The following LCLAT1 variants were observed in gnomAD, a reference collection of about 807,000 sequenced individuals.
LCLAT1 encodes the protein lysocardiolipin acyltransferase 1.
A neutral mutation model predicts 30.7 loss-of-function variants in LCLAT1; 11 were observed. The ratio of observed to expected loss-of-function variants is 0.36; its 90% confidence interval spans 0.23 to 0.59. LCLAT1 has a LOEUF of 0.59. LCLAT1 is among the 20% of genes least tolerant of loss of function. The pLI is 0.77. For missense variants in LCLAT1, 402 were observed against 458.6 expected, an observed-to-expected ratio of 0.88 and a Z score of 1.13; for synonymous variants, 155 against 151.3, an observed-to-expected ratio of 1.02 and a Z score of -0.18.
At chr2:30,585,268 T>TA (rs145941499) in intron 5 of LCLAT1, among the ~76,000 whole-genome samples, 4,027 of 150,532 alleles carry the variant, frequency 0.027, 184 homozygotes, top group African/African-American at 0.09. Flanking sequence ...CCATCCTCGG[T>TA]AAAAAAAAAT....
At chr2:30,516,597 T>G (rs1399780801) in intron 1 of LCLAT1, among the ~76,000 whole-genome samples, 1 of 152,124 alleles carries the variant, frequency 6.6e-6, no homozygotes, top group African/African-American at 2.4e-5. Flanking sequence ...TTCCATTCCT[T>G]GGAATCCTTG....
intron 1 of LCLAT1, 77 bp from the exon 2 acceptor site, chr2:30,525,510 A>G (rs1273284668): frequency 6.3e-6 from 7 of 1,118,408 alleles, no homozygotes; most frequent in East Asian, 2.3e-5. Context: ...TGATCATTCT[A>G]TGCTCCATCA....
intron 1 of LCLAT1, among the ~76,000 whole-genome samples, chr2:30,457,745 TC>T (rs1681905325): frequency 6.6e-6 from 1 of 152,230 alleles, no homozygotes; most frequent in African/African-American, 2.4e-5. Flanking sequence ...TTTGTTTGTT[TC>T]TTTCAGTTAT....
At chr2:30,492,603 G>T (rs537848038) in intron 1 of LCLAT1, among the ~76,000 whole-genome samples, 13 of 151,972 alleles carry the variant, frequency 8.6e-5, no homozygotes, top group Admixed American at 7.9e-4. Context: ...AAAACCTTTG[G>T]GTATATGATA....
chr2:30,507,390 A>G (rs1170377411), intron 1 of LCLAT1, among the ~76,000 whole-genome samples: 1 of 152,154 alleles, frequency 6.6e-6, no homozygotes, highest in Non-Finnish European at 1.5e-5. Context: ...AACTTGTGTC[A>G]TGGGGGTTTG....
chr2:30,596,019 A>G (rs924183561), intron 5 of LCLAT1, among the ~76,000 whole-genome samples: 1 of 152,096 alleles, frequency 6.6e-6, no homozygotes, highest in Non-Finnish European at 1.5e-5. Flanking sequence ...TATGTACCAC[A>G]TTTTCTTTAG....
At position 30,461,770 on chromosome 2, in the gene LCLAT1, C is replaced by CCTTTTTTTTTTTTTTTTTTT. The variant is rs760622200; in HGVS notation, c.-5+14387_-5+14388insCTTTTTTTTTTTTTTTTTTT. On this transcript the variant is annotated intron_variant, in intron 1 of 5. Transcript: ENST00000379509. ...TGTGGACCACTTTTTCTAAATTAAA[C>CCTTTTTTTTTTTTTTTTTTT]TTTTTTTTTTTTTTTTTTGAGACGG... Among the ~76,000 whole-genome samples the CCTTTTTTTTTTTTTTTTTTT allele has an allele frequency of 2.3e-3, 298 of 131,708 alleles. 15 individuals carry two copies. The highest frequency in any genetic ancestry group is 5.3e-3 in the East Asian group (23 of 4,334). 86.4% of individuals were successfully genotyped at this position (131,708 alleles called of 152,430 possible).
At chr2:30,554,721 C>T (rs1303725995) in intron 3 of LCLAT1, among the ~76,000 whole-genome samples, 4 of 152,062 alleles carry the variant, frequency 2.6e-5, no homozygotes, top group Non-Finnish European at 5.9e-5. Flanking sequence ...ATGAAAAAGA[C>T]CATTTGCAAA....
intron 3 of LCLAT1, among the ~76,000 whole-genome samples, chr2:30,537,358 G>A (rs534713617): frequency 4.0e-5 from 6 of 151,370 alleles, no homozygotes; most frequent in African/African-American, 7.3e-5. Flanking sequence ...TCCGCAGTCC[G>A]GCCTGGGCGA....
intron 5 of LCLAT1, among the ~76,000 whole-genome samples, chr2:30,601,221 G>A (rs1013217392): frequency 3.9e-5 from 6 of 151,918 alleles, no homozygotes; most frequent in Non-Finnish European, 8.8e-5. Context: ...CTTTGCATTG[G>A]TTTAGAACGT....
intron 3 of LCLAT1, among the ~76,000 whole-genome samples, chr2:30,551,291 G>T (rs765144237): frequency 6.6e-6 from 1 of 152,208 alleles, no homozygotes; most frequent in Non-Finnish European, 1.5e-5. Context: ...ATAGGCATGA[G>T]CCACTGCGCC....
At chr2:30,573,979 A>G (rs1057132805) in intron 5 of LCLAT1, among the ~76,000 whole-genome samples, 2 of 152,058 alleles carry the variant, frequency 1.3e-5, no homozygotes, top group Non-Finnish European at 2.9e-5. Flanking sequence ...CATCTCTACT[A>G]AAAATACAAA....
At chr2:30,465,001 T>C (rs1011386512) in intron 1 of LCLAT1, among the ~76,000 whole-genome samples, 28 of 152,148 alleles carry the variant, frequency 1.8e-4, no homozygotes, top group African/African-American at 6.8e-4. Context: ...TGAGCCACCA[T>C]GCCTGGCCAG....
intron 5 of LCLAT1, among the ~76,000 whole-genome samples, chr2:30,600,168 A>G (rs183898025): frequency 1.3e-5 from 2 of 152,218 alleles, no homozygotes; most frequent in South Asian, 4.1e-4. Context: ...TCCTTTGCTT[A>G]TGAAGCTTAA....
At chr2:30,507,214 T>G (rs535899630) in intron 1 of LCLAT1, among the ~76,000 whole-genome samples, 1 of 141,676 alleles carries the variant, frequency 7.1e-6, no homozygotes, top group South Asian at 2.3e-4. Flanking sequence ...TTGTCTGATA[T>G]ATTTGTTTTA....
intron 5 of LCLAT1, among the ~76,000 whole-genome samples, chr2:30,585,284 G>A (rs566158503): frequency 6.7e-6 from 1 of 149,308 alleles, no homozygotes; most frequent in Admixed American, 6.8e-5. Flanking sequence ...AAAATACCGA[G>A]TCAAAAAACA....
intron 1 of LCLAT1, among the ~76,000 whole-genome samples, chr2:30,480,415 C>T (rs1683261036): frequency 6.6e-6 from 1 of 152,032 alleles, no homozygotes; most frequent in South Asian, 2.1e-4. Context: ...GGCTGGTCTC[C>T]AACTTCTGAG....
chr2:30,473,707 A>G (rs915621378), intron 1 of LCLAT1, among the ~76,000 whole-genome samples: 1 of 152,136 alleles, frequency 6.6e-6, no homozygotes, highest in Admixed American at 6.6e-5. Flanking sequence ...CATTTTCCTC[A>G]GTTGTTTTAA....
chr2:30,618,871 GT>G (rs1668114081), intron 5 of LCLAT1, among the ~76,000 whole-genome samples: 1 of 152,074 alleles, frequency 6.6e-6, no homozygotes, highest in Non-Finnish European at 1.5e-5. Context: ...TGAATAAAGA[GT>G]TTTACTTTTC....
Sources: allele counts gnomAD v4.1 joint callset (sites outside exome capture counted in the v4.1 genomes callset), GRCh38; gene constraint gnomAD v4.1.1; transcripts MANE v1.5; gene names NCBI Gene and HGNC (gene_info 2026-07-23, HGNC 2026-07-21).